The following ZNF627 variants were observed in gnomAD, a reference collection of about 807,000 sequenced individuals.
The protein encoded by ZNF627 is zinc finger protein 627.
In ZNF627, 12 loss-of-function variants were observed where a neutral mutation model predicts 10.6. The ratio of observed to expected loss-of-function variants is 1.13; its 90% CI spans 0.73 to 1.84. The LOEUF is 1.84. Among genes scored for constraint, ZNF627 ranks in the 40% most tolerant of loss-of-function variants. The pLI is 0.00. For synonymous variants in ZNF627, 176 were observed against 187.1 expected, an observed-to-expected ratio of 0.94 and a Z score of 0.48; for missense variants, 504 against 568.4, an observed-to-expected ratio of 0.89 and a Z score of 1.15.
chr19:11,603,665 G>A (rs1448963328), intron 1 of ZNF627, among the ~76,000 whole-genome samples: 1 of 151,966 alleles, frequency 6.6e-6, no homozygotes, highest in Non-Finnish European at 1.5e-5. Context: ...TCACATAGCT[G>A]TGAATCTTCC....
rs1973874538 is a variant in ZNF627 at position 11,616,754 on chromosome 19, G to A, written c.251G>A (p.Ser84Asn). 6.2e-7 allele frequency: 1 copy of A among 1,612,646 alleles called. No individual in the cohort carries two copies. Among genetic ancestry groups the A allele is most frequent in the Non-Finnish European group, 8.5e-7 (1 of 1,179,198 alleles). Residue 84 changes from serine to asparagine, a missense_variant, in exon 4 of 4, where the codon AGC becomes AAC. Transcript: ENST00000361113. ...GGTGGTCAAGGTGAAGAAACCTTCA[G>A]CCAGATTCCAGATGGTATTCTGAAC... ...KEGGQGEETF[S>N]QIPDGILNKK...
intron 3 of ZNF627, among the ~76,000 whole-genome samples, chr19:11,615,545 T>G (rs72999125): frequency 0.41 from 59,971 of 145,540 alleles, 12,632 homozygotes; most frequent in Admixed American, 0.47. Flanking sequence ...AGAGCTTGCT[T>G]TGAGCCAAGA....
At chr19:11,612,508 G>T (rs550268379) in intron 1 of ZNF627, among the ~76,000 whole-genome samples, 1 of 138,340 alleles carries the variant, frequency 7.2e-6, no homozygotes, top group Admixed American at 8.0e-5. Context: ...TGCAACCTCT[G>T]CGTGCTGGGT....
intron 1 of ZNF627, among the ~76,000 whole-genome samples, chr19:11,603,995 T>TG (rs1024932202): frequency 1.3e-5 from 2 of 151,036 alleles, no homozygotes; most frequent in African/African-American, 4.9e-5. Context: ...TTTTGGTAGA[T>TG]GGGGGTCTCA....
chr19:11,613,645 C>A (rs757906682), intron 1 of ZNF627, among the ~76,000 whole-genome samples: 1 of 152,062 alleles, frequency 6.6e-6, no homozygotes, highest in East Asian at 1.9e-4. Context: ...CGTGAGCCAC[C>A]GTGCCCAGCC....
chr19:11,617,065 A>T lies in ZNF627; in HGVS notation c.562A>T (p.Thr188Ser), dbSNP rs753198693. 3.1e-6 allele frequency: 5 copies of T among 1,614,004 alleles called. No homozygotes were observed. The highest frequency in any genetic ancestry group is 2.2e-5 in the East Asian group (1 of 44,900). Residue 188 changes from threonine to serine, a missense_variant, in exon 4 of 4, where the codon ACG (threonine) becomes TCG (serine). By Grantham distance (58) the Thr-to-Ser change is moderately conservative. Transcript: ENST00000361113. Reference protein sequence around the residue: ...SLVSIRRHMLTHRGGVPYKCK... With the variant: ...SLVSIRRHMLSHRGGVPYKCK... Reference sequence around the variant, plus strand: ...TGTAAGCATTCGAAGACACATGTTAACGCATAGGGGAGGTGTACCTTACAA... The same window carrying T: ...TGTAAGCATTCGAAGACACATGTTATCGCATAGGGGAGGTGTACCTTACAA...
At chr19:11,608,066 A>G (rs746791970) in intron 1 of ZNF627, among the ~76,000 whole-genome samples, 1 of 152,212 alleles carries the variant, frequency 6.6e-6, no homozygotes, top group Non-Finnish European at 1.5e-5. Context: ...AGGAAACTTA[A>G]TCATGACGGA....
At chr19:11,614,212 G>A (rs945661354) in intron 1 of ZNF627, among the ~76,000 whole-genome samples, 5 of 152,082 alleles carry the variant, frequency 3.3e-5, no homozygotes, top group Admixed American at 6.6e-5. Flanking sequence ...GAGCCACCGC[G>A]CCCAGCCACT....
rs1288550405 is a variant in ZNF627, at chr19:11,616,764, A to G, written c.261A>G (p.Pro87=). Residue 87 remains proline (P), a synonymous_variant, in exon 4 of 4, where the codon CCA becomes CCG. Coordinates refer to ENST00000361113, the MANE Select transcript of ZNF627 (RefSeq NM_145295.4). ...GQGEETFSQI[P]DGILNKKTPG... ...GTGAAGAAACCTTCAGCCAGATTCCAGATGGTATTCTGAACAAGAAAACTC... is the reference window on the plus strand; with the variant it reads ...GTGAAGAAACCTTCAGCCAGATTCCGGATGGTATTCTGAACAAGAAAACTC... The G allele has an allele frequency of 6.2e-7, 1 of 1,613,602 alleles. No homozygotes were observed. Among genetic ancestry groups the G allele is most frequent in the Non-Finnish European group, 8.5e-7 (1 of 1,179,716 alleles).
chr19:11,614,196 A>G (rs1174046905), intron 1 of ZNF627, among the ~76,000 whole-genome samples: 4 of 152,172 alleles, frequency 2.6e-5, no homozygotes, highest in Non-Finnish European at 5.9e-5. Flanking sequence ...TTGGGATTAC[A>G]GGCGTGAGCC....
rs905423414 is a variant in ZNF627, at chr19:11,614,568, G to T, written c.45G>T (p.Leu15=). The change falls in exon 2 of 4, where the codon CTG becomes CTT. Residue 15 remains leucine (L), a synonymous_variant. Transcript: ENST00000361113. ...AGGATGTGGCTGTGAACTTCACCCT[G>T]GAGGAGTGGGCTTTGCTGGATCCTT... is the stretch of plus-strand genomic sequence containing the variant. The part of the protein sequence containing the change: ...AFEDVAVNFT[L]EEWALLDPSQ... 3 of 1,613,776 alleles carry T rather than the reference G, an allele frequency of 1.9e-6. No individual in the cohort carries two copies. The African/African-American group carries it at 4.0e-5, about 22-fold the overall frequency.
rs143631160 is a variant in ZNF627, at chr19:11,599,920, T to C, written c.3+2290T>C. Reference sequence around the variant, plus strand: ...AGACTCTGTCTCAAAAAAAAAGATGTGAAACTTGAGTCAGACGTACCTCTG... The same window carrying C: ...AGACTCTGTCTCAAAAAAAAAGATGCGAAACTTGAGTCAGACGTACCTCTG... On this transcript the variant is annotated intron_variant, in intron 1 of 3. Coordinates refer to ENST00000361113, the MANE Select transcript of ZNF627 (RefSeq NM_145295.4). Among the ~76,000 whole-genome samples the C allele has an allele frequency of 1.9e-3, 294 of 151,974 alleles. 4 individuals carry two copies. Among genetic ancestry groups the C allele is most frequent in the African/African-American group, 6.5e-3 (271 of 41,472 alleles).
At chr19:11,609,603 C>T (rs1388398611) in intron 1 of ZNF627, among the ~76,000 whole-genome samples, 19 of 149,586 alleles carry the variant, frequency 1.3e-4, no homozygotes, top group African/African-American at 4.7e-4. Flanking sequence ...CTGCAACCTC[C>T]GCCTCCTGAT....
intron 1 of ZNF627, among the ~76,000 whole-genome samples, chr19:11,613,689 G>A (rs987458443): frequency 6.6e-6 from 1 of 151,626 alleles, no homozygotes; most frequent in African/African-American, 2.4e-5. Flanking sequence ...TAATTCATTA[G>A]TTGCAATTTA....
chr19:11,602,540 G>A (rs1250663959), intron 1 of ZNF627, among the ~76,000 whole-genome samples: 2 of 151,974 alleles, frequency 1.3e-5, no homozygotes, highest in Admixed American at 6.6e-5. Flanking sequence ...CTTCCATTTC[G>A]CCATTTCTGA....
intron 2 of ZNF627, 34 bp downstream of exon 2, chr19:11,614,687 TAG>T (rs1973836000): frequency 6.2e-7 from 1 of 1,613,508 alleles, no homozygotes; most frequent in Non-Finnish European, 8.5e-7. Context: ...CTCAGTGAAT[TAG>T]AGAACAAGTG....
intron 1 of ZNF627, among the ~76,000 whole-genome samples, chr19:11,609,921 G>A (rs1047578806): frequency 2.6e-5 from 4 of 152,112 alleles, no homozygotes; most frequent in Non-Finnish European, 4.4e-5. Context: ...GTTGCTTAAA[G>A]TCTTCGTCCA....
At position 11,618,917 on chromosome 19, in the gene ZNF627, T is replaced by C. The variant is rs1472139962; in HGVS notation, c.*1028T>C. 1 of 152,236 alleles carries C rather than the reference T, an allele frequency of 6.6e-6. No individual in the cohort carries two copies. Among genetic ancestry groups the C allele is most frequent in the Non-Finnish European group, 1.5e-5 (1 of 68,048 alleles). 9.4% of individuals were successfully genotyped at this position (152,236 alleles called of 1,614,324 possible). On this transcript the variant is annotated 3_prime_UTR_variant, in exon 4 of 4. Coordinates refer to ENST00000361113, the MANE Select transcript of ZNF627 (RefSeq NM_145295.4). ...GACACTGTGAAGTCAGCGTTAACCA[T>C]GTGCATACAACTTAAGGAATTTTTT...
chr19:11,617,734 A>G lies in ZNF627; in HGVS notation c.1231A>G (p.Arg411Gly), dbSNP rs749705257. The change falls in exon 4 of 4, where the codon AGA becomes GGA. Residue 411 changes from arginine to glycine, a missense_variant. Coordinates refer to ENST00000361113, the MANE Select transcript of ZNF627 (RefSeq NM_145295.4). ...SRSSYFRIHERTHTGEKPYEC... is the reference protein window; with the variant it reads ...SRSSYFRIHEGTHTGEKPYEC... ...TTCCAGTTACTTCCGAATCCATGAAAGAACTCACACTGGAGAGAAACCCTA... is the reference window on the plus strand; with the variant it reads ...TTCCAGTTACTTCCGAATCCATGAAGGAACTCACACTGGAGAGAAACCCTA... 1.2e-6 allele frequency: 2 copies of G among 1,613,562 alleles called. No homozygotes were observed. The highest frequency in any genetic ancestry group is 1.7e-6 in the Non-Finnish European group (2 of 1,179,860).
Sources: allele counts gnomAD v4.1 joint callset (sites outside exome capture counted in the v4.1 genomes callset), GRCh38; gene constraint gnomAD v4.1.1; transcripts MANE v1.5; gene names NCBI Gene and HGNC (gene_info 2026-07-23, HGNC 2026-07-21).